Variants in CADM2 observed in about 807,000 individuals in gnomAD.
CADM2 encodes immunoglobulin superfamily member 4D.
A neutral mutation model predicts 49.8 loss-of-function variants in CADM2; 12 were observed. The observed-to-expected ratio is 0.24, with a 90% confidence interval of 0.15 to 0.39. CADM2 has a LOEUF of 0.39. Ranked by LOEUF, CADM2 falls within the 10% of genes least tolerant of loss-of-function variation. The pLI, the probability that CADM2 is intolerant of heterozygous loss-of-function variation, is 1.00. For synonymous variants in CADM2, 214 were observed against 175.4 expected (o/e 1.22, Z -1.74); for missense variants, 378 against 492.3 (o/e 0.77, Z 2.20).
At chr3:85,306,811 AT>A in intron 1 of CADM2, among the ~76,000 whole-genome samples, 1 of 151,368 alleles carries the variant, frequency 6.6e-6, no homozygotes, top group East Asian at 1.9e-4. Context: ...CAAGGTGTTT[AT>A]TTTTTATTTA....
chr3:85,171,505 T>C (rs2040625840), intron 1 of CADM2, among the ~76,000 whole-genome samples: 1 of 152,204 alleles, frequency 6.6e-6, no homozygotes, highest in African/African-American at 2.4e-5. Context: ...TATACACTAA[T>C]TACTCCTTAT....
At chr3:85,843,181 ATTCT>A (rs1299585061) in intron 3 of CADM2, among the ~76,000 whole-genome samples, 1 of 152,150 alleles carries the variant, frequency 6.6e-6, no homozygotes, top group African/African-American at 2.4e-5. Flanking sequence ...AATAACTAAG[ATTCT>A]TTCAGTTTTG....
intron 3 of CADM2, among the ~76,000 whole-genome samples, chr3:85,879,360 A>C (rs1712393191): frequency 6.6e-6 from 1 of 152,104 alleles, no homozygotes; most frequent in Non-Finnish European, 1.5e-5. Flanking sequence ...ATATCTTCCT[A>C]AGCAATTAGA....
intron 8 of CADM2, among the ~76,000 whole-genome samples, chr3:86,055,206 T>G (rs1304023751): frequency 6.6e-6 from 1 of 152,186 alleles, no homozygotes; most frequent in Non-Finnish European, 1.5e-5. Context: ...TTTTTAGATA[T>G]GACATATGCA....
Position 86,068,559 on chromosome 3 carries a change from A to G in CADM2, c.*1776A>G, listed in dbSNP as rs1183062887. On this transcript the variant is annotated 3_prime_UTR_variant, in exon 10 of 10. Coordinates refer to ENST00000383699, the MANE Select transcript of CADM2 (RefSeq NM_001167675.2). Reference sequence around the variant, plus strand: ...AGTGCAACATCATGTATTAATATCAAATGAAAGACAAGGGTGCTGTATCTT... The same window carrying G: ...AGTGCAACATCATGTATTAATATCAGATGAAAGACAAGGGTGCTGTATCTT... 6.6e-6 allele frequency: 1 copy of G among 151,964 alleles called. No homozygotes were observed. The highest frequency in any genetic ancestry group is 1.9e-4 in the East Asian group (1 of 5,194). The allele number at this position is 151,964 out of a possible 1,614,324, so 9.4% of individuals were successfully genotyped here.
chr3:86,068,380 T>G lies in CADM2; in HGVS notation c.*1597T>G, dbSNP rs1212950964. 6.6e-6 allele frequency: 1 copy of G among 151,966 alleles called. No individual in the cohort carries two copies. Among genetic ancestry groups the G allele is most frequent in the Non-Finnish European group, 1.5e-5 (1 of 67,868 alleles). 9.4% of individuals were successfully genotyped at this position (151,966 alleles called of 1,614,324 possible). A position where few individuals can be genotyped will look rare whatever the true frequency, so the allele number is the denominator to read the frequency against. ...ATATGCTAAAGAATAAAACTCCAGTTAGATTTAAAAAAATCCCATTTACAA... is the reference window on the plus strand; with the variant it reads ...ATATGCTAAAGAATAAAACTCCAGTGAGATTTAAAAAAATCCCATTTACAA... On this transcript the variant is annotated 3_prime_UTR_variant, in exon 10 of 10. Transcript: ENST00000383699.
intron 2 of CADM2, among the ~76,000 whole-genome samples, chr3:85,750,797 C>T (rs186794005): frequency 3.9e-5 from 6 of 151,980 alleles, no homozygotes; most frequent in African/African-American, 1.4e-4. Context: ...TAGGGTCCTC[C>T]ATGCTATCAG....
chr3:85,607,023 A>T (rs1320535290), intron 1 of CADM2, among the ~76,000 whole-genome samples: 1 of 152,280 alleles, frequency 6.6e-6, no homozygotes. Flanking sequence ...TCAATTATTT[A>T]TATGACAAAC....
chr3:85,912,595 C>A, intron 6 of CADM2, 52 bp downstream of exon 6: 5 of 1,530,160 alleles, frequency 3.3e-6, no homozygotes, highest in Non-Finnish European at 4.5e-6. Flanking sequence ...ATCTCTTCAT[C>A]TGCATCTAAA....
intron 1 of CADM2, among the ~76,000 whole-genome samples, chr3:85,341,137 G>A (rs1048352499): frequency 2.0e-5 from 3 of 151,408 alleles, no homozygotes; most frequent in African/African-American, 7.2e-5. Flanking sequence ...TGCCAAGAAA[G>A]TGATAAATAA....
At chr3:85,906,738 A>G (rs1204828765) in intron 5 of CADM2, among the ~76,000 whole-genome samples, 3 of 152,232 alleles carry the variant, frequency 2.0e-5, no homozygotes, top group Non-Finnish European at 4.4e-5. Context: ...CAGACTTTAA[A>G]GTTATACAAT....
At chr3:85,136,791 G>T (rs2039425311) in intron 1 of CADM2, among the ~76,000 whole-genome samples, 1 of 151,826 alleles carries the variant, frequency 6.6e-6, no homozygotes. Flanking sequence ...ACTACATTCT[G>T]AACCCACTCT....
chr3:85,702,379 T>C (rs1206203189), intron 1 of CADM2, among the ~76,000 whole-genome samples: 1 of 152,094 alleles, frequency 6.6e-6, no homozygotes, highest in Non-Finnish European at 1.5e-5. Flanking sequence ...AGCTCCTCTC[T>C]GTCATTCTTT....
intron 1 of CADM2, among the ~76,000 whole-genome samples, chr3:85,432,716 A>G (rs1220000876): frequency 1.3e-5 from 2 of 152,148 alleles, no homozygotes; most frequent in Non-Finnish European, 2.9e-5. Context: ...AGTAACATAT[A>G]TTTTCTAAAA....
At chr3:85,230,129 T>C (rs188898526) in intron 1 of CADM2, among the ~76,000 whole-genome samples, 170 of 152,246 alleles carry the variant, frequency 1.1e-3, no homozygotes, top group African/African-American at 3.8e-3. Flanking sequence ...TATGCTCTGA[T>C]AAATGGCATA....
At chr3:85,036,315 G>A (rs1299617214) in intron 1 of CADM2, among the ~76,000 whole-genome samples, 2 of 151,894 alleles carry the variant, frequency 1.3e-5, no homozygotes, top group African/African-American at 4.8e-5. Context: ...ATCATTATTA[G>A]AAAGAATGTT....
chr3:85,738,384 G>C (rs1404084573), intron 2 of CADM2, among the ~76,000 whole-genome samples: 1 of 152,142 alleles, frequency 6.6e-6, no homozygotes, highest in Admixed American at 6.5e-5. Context: ...TTATAAAACT[G>C]AGGGATTAAT....
chr3:85,922,179 C>T (rs1391208552), intron 6 of CADM2, among the ~76,000 whole-genome samples: 1 of 150,824 alleles, frequency 6.6e-6, no homozygotes, highest in Admixed American at 6.6e-5. Flanking sequence ...TTCCTCTTTC[C>T]CCTTCTTTCT....
chr3:85,555,756 A>G (rs1016520973), intron 1 of CADM2, among the ~76,000 whole-genome samples: 1 of 152,110 alleles, frequency 6.6e-6, no homozygotes, highest in Non-Finnish European at 1.5e-5. Context: ...CTGAAGTTAT[A>G]TATAAGAAAG....
Sources: allele counts gnomAD v4.1 joint callset (sites outside exome capture counted in the v4.1 genomes callset), GRCh38; gene constraint gnomAD v4.1.1; transcripts MANE v1.5; gene names NCBI Gene and HGNC (gene_info 2026-07-23, HGNC 2026-07-21).